SLC44A5: variants seen among roughly 807,000 people sequenced by gnomAD.
The protein encoded by SLC44A5 is choline transporter-like protein 5.
Under a neutral mutation model 101.8 loss-of-function variants are expected in SLC44A5, and 57 were observed. The observed-to-expected ratio is 0.56, with a 90% CI of 0.45 to 0.70. SLC44A5 has a LOEUF of 0.70. SLC44A5 is among the 30% of genes least tolerant of loss of function. SLC44A5 has a pLI of 0.00. For synonymous variants in SLC44A5, 281 were observed against 290.9 expected (o/e 0.97, Z 0.35); for missense variants, 737 against 853.1 (o/e 0.86, Z 1.70).
chr1:75,483,894 G>A (rs747735952), intron 2 of SLC44A5, among the ~76,000 whole-genome samples: 44 of 152,266 alleles, frequency 2.9e-4, no homozygotes, highest in Non-Finnish European at 5.3e-4. Flanking sequence ...GGTGGCAGGA[G>A]AGATAAAGGG....
intron 6 of SLC44A5, among the ~76,000 whole-genome samples, chr1:75,264,691 G>C (rs550931894): frequency 1.3e-5 from 2 of 152,028 alleles, no homozygotes; most frequent in East Asian, 3.9e-4. Flanking sequence ...CATCATAAAA[G>C]TACGAAGACA....
At chr1:75,323,045 C>T (rs1316577232) in intron 4 of SLC44A5, among the ~76,000 whole-genome samples, 1 of 150,704 alleles carries the variant, frequency 6.6e-6, no homozygotes, top group Non-Finnish European at 1.5e-5. Context: ...CACCCACTAA[C>T]TCGTCATCTA....
At chr1:75,349,792 A>G (rs1476305075) in intron 3 of SLC44A5, among the ~76,000 whole-genome samples, 1 of 152,202 alleles carries the variant, frequency 6.6e-6, no homozygotes, top group Non-Finnish European at 1.5e-5. Context: ...TTGAAATATT[A>G]TGGACTTTGG....
At chr1:75,690,304 A>G in the SLC44A5 span, among the ~76,000 whole-genome samples, 1 of 137,220 alleles carries the variant, frequency 7.3e-6, no homozygotes, top group African/African-American at 2.5e-5. Flanking sequence ...TACTTGTAAA[A>G]CCATCAGATC....
At chr1:75,402,357 C>A in intron 2 of SLC44A5, 1 of 284,970 alleles carries the variant, frequency 3.5e-6, no homozygotes, top group Non-Finnish European at 7.5e-6. Context: ...TTTTAAGAAA[C>A]AGATGACATT....
At chr1:75,444,801 T>G (rs1665454127) in intron 2 of SLC44A5, among the ~76,000 whole-genome samples, 1 of 152,054 alleles carries the variant, frequency 6.6e-6, no homozygotes, top group African/African-American at 2.4e-5. Flanking sequence ...GAAGGCAGAT[T>G]AGACACAGAT....
intron 2 of SLC44A5, among the ~76,000 whole-genome samples, chr1:75,452,793 G>T (rs906383549): frequency 6.6e-6 from 1 of 152,096 alleles, no homozygotes; most frequent in Non-Finnish European, 1.5e-5. Flanking sequence ...CAAGGGCAAA[G>T]GGGGGCATTA....
chr1:75,506,373 T>C (rs78269346), intron 2 of SLC44A5, among the ~76,000 whole-genome samples: 2,623 of 152,292 alleles, frequency 0.017, 68 homozygotes, highest in African/African-American at 0.06. Flanking sequence ...AATAGTTTGT[T>C]TCTAATTCTA....
chr1:75,495,137 T>G (rs541504173), intron 2 of SLC44A5, among the ~76,000 whole-genome samples: 1 of 152,224 alleles, frequency 6.6e-6, no homozygotes, highest in East Asian at 1.9e-4. Context: ...AATTGAGATA[T>G]GTAATTTGCC....
At chr1:75,612,826 G>C (rs1326230611), upstream of SLC44A5, among the ~76,000 whole-genome samples, 1 of 152,056 alleles carries the variant, frequency 6.6e-6, no homozygotes, top group African/African-American at 2.4e-5. Flanking sequence ...GCAGGGGTGG[G>C]GGTGGTGACG....
intron 4 of SLC44A5, among the ~76,000 whole-genome samples, chr1:75,311,009 T>A (rs1655251706): frequency 6.6e-6 from 1 of 152,026 alleles, no homozygotes; most frequent in African/African-American, 2.4e-5. Context: ...AAAATATAAA[T>A]TTTTAAAGTT....
the SLC44A5 span, among the ~76,000 whole-genome samples, chr1:75,616,392 G>C: frequency 1.3e-5 from 2 of 152,252 alleles, no homozygotes; most frequent in African/African-American, 4.8e-5. Flanking sequence ...GGCCATCTGG[G>C]GCCGGGAAGG....
At chr1:75,419,210 A>AT (rs902334302) in intron 2 of SLC44A5, among the ~76,000 whole-genome samples, 24 of 151,956 alleles carry the variant, frequency 1.6e-4, no homozygotes, top group Admixed American at 3.9e-4. Context: ...ATAATGGATA[A>AT]TTTTTTTTTA....
At chr1:75,722,251 T>A in the SLC44A5 span, among the ~76,000 whole-genome samples, 1 of 152,184 alleles carries the variant, frequency 6.6e-6, no homozygotes, top group Non-Finnish European at 1.5e-5. Flanking sequence ...GTCCTCAGTG[T>A]AAAAAGTGAA....
At chr1:75,488,097 T>C (rs1157241304) in intron 2 of SLC44A5, among the ~76,000 whole-genome samples, 1 of 152,216 alleles carries the variant, frequency 6.6e-6, no homozygotes, top group Non-Finnish European at 1.5e-5. Context: ...GATGGGACTG[T>C]CTGGTTGCAG....
intron 23 of SLC44A5, 63 bp from the exon 24 acceptor site, chr1:75,203,896 A>T: frequency 1.4e-6 from 2 of 1,480,520 alleles, no homozygotes; most frequent in Non-Finnish European, 1.8e-6. Context: ...TAACACCGCC[A>T]TCTGCTGTAT....
chr1:75,626,114 A>G, the SLC44A5 span, among the ~76,000 whole-genome samples: 2 of 152,168 alleles, frequency 1.3e-5, no homozygotes, highest in African/African-American at 4.8e-5. Context: ...CTTAGTCACT[A>G]TTAGGGTCAA....
rs1671074318 is a variant in SLC44A5 at position 75,537,026 on chromosome 1, A to AT, written c.13+4408_13+4409insA. On this transcript the variant is annotated intron_variant, in intron 2 of 23. Coordinates refer to ENST00000370859, the MANE Select transcript of SLC44A5 (RefSeq NM_001130058.2). ...ATCTCAAAAAAAAAAAAAAAAAAAA[A>AT]AAAAAAAATATATATCTATGCCAAA... is the stretch of plus-strand genomic sequence containing the variant. Among the ~76,000 whole-genome samples the AT allele has an allele frequency of 2.1e-4, 12 of 55,834 alleles. 1 individual carries two copies. Among genetic ancestry groups the AT allele is most frequent in the Admixed American group, 4.9e-4 (2 of 4,072 alleles). 36.6% of individuals were successfully genotyped at this position (55,834 alleles called of 152,430 possible).
intron 6 of SLC44A5, among the ~76,000 whole-genome samples, chr1:75,267,546 T>A (rs892052838): frequency 2.0e-5 from 3 of 151,924 alleles, no homozygotes; most frequent in Non-Finnish European, 4.4e-5. Context: ...TTATATTTAT[T>A]TTTATTTTTA....
Sources: gnomAD v4.1 joint callset for allele counts (sites outside exome capture counted in the v4.1 genomes callset) on GRCh38, gnomAD v4.1.1 for gene constraint, MANE v1.5 for transcripts, NCBI Gene and HGNC (gene_info 2026-07-23, HGNC 2026-07-21) for gene names.